MLH3: variants seen among roughly 807,000 people sequenced by gnomAD.
MLH3 encodes DNA mismatch repair protein Mlh3.
Under a neutral mutation model 122.2 loss-of-function variants are expected in MLH3, and 82 were observed. That is an observed-to-expected ratio of 0.67 (90% CI 0.56 to 0.81). The LOEUF is 0.81. Ranked by LOEUF, MLH3 falls within the 30% of genes least tolerant of loss-of-function variation. The pLI is 0.00. For missense variants in MLH3, 1,539 were observed against 1,714.5 expected (o/e 0.90, Z 1.81); for synonymous variants, 524 against 599.5 (o/e 0.87, Z 1.84).
At position 75,022,874 on chromosome 14, in the gene MLH3, C is replaced by T; in HGVS notation, c.4030G>A (p.Gly1344Ser). 1.9e-6 allele frequency: 3 copies of T among 1,614,170 alleles called. No homozygotes were observed. Among genetic ancestry groups the T allele is most frequent in the Non-Finnish European group, 2.5e-6 (3 of 1,180,032 alleles). The change falls in exon 11 of 13, where the codon GGC becomes AGC. Residue 1344 changes from glycine (G) to serine (S), a missense_variant. Gly to Ser is a moderately conservative substitution (Grantham distance 56, BLOSUM62 0). Transcript: ENST00000355774. ...EQLELLQTTG[G>S]IQGTLPLTVQ... ...GTCAGTGGCAATGTCCCTTGGATGC[C>T]TCCGGTGGTCTGGAGTAGCTAATGC...
In MLH3 at chr14:75,040,221, G is replaced by A. The variant is rs188765560; in HGVS notation, c.3466-206C>T. ...TCTCAGCACTTTGGGAGGCTGAGGCGGGCAGATCACGAGGTCAGGAGATCG... is the reference window on the plus strand; with the variant it reads ...TCTCAGCACTTTGGGAGGCTGAGGCAGGCAGATCACGAGGTCAGGAGATCG... On this transcript the variant is annotated intron_variant, in intron 4 of 12. Coordinates refer to ENST00000355774, the MANE Select transcript of MLH3 (RefSeq NM_001040108.2). 3.5e-3 allele frequency among the ~76,000 whole-genome samples: 528 copies of A among 151,478 alleles called. 1 individual carries two copies. The highest frequency in any genetic ancestry group is 0.01 in the Middle Eastern group (3 of 292).
chr14:75,037,212 T>C (rs1485490173), intron 6 of MLH3, among the ~76,000 whole-genome samples: 2 of 152,190 alleles, frequency 1.3e-5, no homozygotes, highest in African/African-American at 2.4e-5. Context: ...ACAAATTGCA[T>C]GGTTGTTCCC....
At position 75,048,433 on chromosome 14, in the gene MLH3, G is replaced by T. The variant is rs745988563; in HGVS notation, c.1223C>A (p.Ser408Ter). Residue 408 changes from serine to a stop codon, truncating the protein, a stop_gained, in exon 2 of 13, where the codon TCA becomes TAA. Coordinates refer to ENST00000355774, the MANE Select transcript of MLH3 (RefSeq NM_001040108.2). LOFTEE classifies it high-confidence loss of function. ...LDSYEMFNLQ[S>*]KAVKRKTTAE... ...AGTAGTTTTTCTTTTCACAGCTTTT[G>T]ACTGCAAATTAAACATCTCATAGGA... 6.8e-6 allele frequency: 11 copies of T among 1,610,106 alleles called. No individual in the cohort carries two copies. Among genetic ancestry groups the T allele is most frequent in the Non-Finnish European group, 9.3e-6 (11 of 1,178,890 alleles).
At chr14:75,037,187 TGAG>T (rs1891476731) in intron 6 of MLH3, among the ~76,000 whole-genome samples, 1 of 152,224 alleles carries the variant, frequency 6.6e-6, no homozygotes, top group Non-Finnish European at 1.5e-5. Context: ...TTCCACTCAC[TGAG>T]GAGAATAAAT....
At chr14:75,037,846 C>G (rs1217090033) in intron 6 of MLH3, among the ~76,000 whole-genome samples, 1 of 152,044 alleles carries the variant, frequency 6.6e-6, no homozygotes, top group Non-Finnish European at 1.5e-5. Context: ...CCTTTGCACA[C>G]CCTCATTTTC....
intron 2 of MLH3, among the ~76,000 whole-genome samples, 167 bp from the exon 3 acceptor site, chr14:75,042,644 C>A (rs553781687): frequency 1.3e-5 from 2 of 151,112 alleles, no homozygotes; most frequent in Non-Finnish European, 2.9e-5. Flanking sequence ...ATTATGCTGT[C>A]CATATAGGAC....
At position 75,014,075 on chromosome 14, in the gene MLH3, G is replaced by A. The variant is rs988409606; in HGVS notation, c.*3007C>T. The A allele has an allele frequency of 1.7e-5, 3 of 178,358 alleles. No homozygotes were observed. The highest frequency in any genetic ancestry group is 2.1e-3 in the Middle Eastern group (1 of 486). 11.0% of individuals were successfully genotyped at this position (178,358 alleles called of 1,614,324 possible). A position where few individuals can be genotyped will look rare whatever the true frequency, so the allele number is the denominator to read the frequency against. Reference sequence around the variant, plus strand: ...CCTTCACTCCACTGTGCCATGACTGGCTCCCACCCGAAGCTTCAGCTGAGC... The same window carrying A: ...CCTTCACTCCACTGTGCCATGACTGACTCCCACCCGAAGCTTCAGCTGAGC... On this transcript the variant is annotated 3_prime_UTR_variant, in exon 13 of 13. Transcript: ENST00000355774.
rs1485435477 is a variant in MLH3, at chr14:75,039,708, A to G, written c.3570+203T>C. On this transcript the variant is annotated intron_variant, in intron 5 of 12. Transcript: ENST00000355774. ...CTACTAAAGATATTTCTTTCTTTGT[A>G]ATTATAATTAATCCCTTGCTTTTTC... is the stretch of plus-strand genomic sequence containing the variant. Among the ~76,000 whole-genome samples the G allele has an allele frequency of 2.0e-5, 3 of 151,596 alleles. No homozygotes were observed. The Admixed American group carries it at 2.0e-4, about 10-fold the overall frequency.
rs758511599 is a variant in MLH3, at chr14:75,048,264, A to G, written c.1392T>C (p.Ser464=). 6.2e-7 allele frequency: 1 copy of G among 1,614,066 alleles called. No homozygotes were observed. The highest frequency in any genetic ancestry group is 2.2e-5 in the East Asian group (1 of 44,876). ...GTTCTAACATCTTTGATTCTGAGCA[A>G]GAGCTGTCTTTGTTTTGTAAAGATG... ...TEPSLQNKDS[S]CSESKMLEQE... The change falls in exon 2 of 13, where the codon TCT becomes TCC. Residue 464 remains serine (S), a synonymous_variant. Coordinates refer to ENST00000355774, the MANE Select transcript of MLH3 (RefSeq NM_001040108.2).
chr14:75,033,534 G>T, intron 6 of MLH3, 44 bp from the exon 7 acceptor site: 2 of 1,469,400 alleles, frequency 1.4e-6, no homozygotes, highest in South Asian at 2.3e-5. Flanking sequence ...AGAGCAAGAC[G>T]ACAACCATCA....
chr14:75,037,802 A>G lies in MLH3; in HGVS notation c.3643+538T>C, dbSNP rs543170896. Among the ~76,000 whole-genome samples the G allele has an allele frequency of 2.0e-5, 3 of 152,248 alleles. No individual in the cohort carries two copies. The South Asian group carries it at 6.2e-4, about 32-fold the overall frequency. On this transcript the variant is annotated intron_variant, in intron 6 of 12. Transcript: ENST00000355774. Reference sequence around the variant, plus strand: ...ACCCCGTTCTCCACAAAAAGGAAAAAAAAAAGACAAAAAGAGTAAAAGTTG... The same window carrying G: ...ACCCCGTTCTCCACAAAAAGGAAAAGAAAAAGACAAAAAGAGTAAAAGTTG...
Position 75,042,531 on chromosome 14 carries a change from C to A in MLH3, c.3281-54G>T. 2.8e-6 allele frequency: 4 copies of A among 1,415,524 alleles called. No individual in the cohort carries two copies. The South Asian group carries it at 3.5e-5, about 12-fold the overall frequency. 87.7% of individuals were successfully genotyped at this position (1,415,524 alleles called of 1,614,324 possible). The stretch of plus-strand genomic sequence containing the variant: ...TGTGAACTTAAAATACAAGTAAACT[C>A]TTTAAAAATTTAATCACATAAAACC... On this transcript the variant is annotated intron_variant, in intron 2 of 12. Transcript: ENST00000355774.
chr14:75,018,287 C>G (rs1255992927), intron 12 of MLH3, among the ~76,000 whole-genome samples: 1 of 152,242 alleles, frequency 6.6e-6, no homozygotes. Context: ...CTGCATTATC[C>G]ACATTGTAGT....
intron 8 of MLH3, among the ~76,000 whole-genome samples, 198 bp downstream of exon 8, chr14:75,031,867 AAAG>A (rs1480538729): frequency 6.6e-6 from 1 of 152,228 alleles, no homozygotes; most frequent in Non-Finnish European, 1.5e-5. Flanking sequence ...ATATTTTAAA[AAAG>A]GAAACAAACA....
chr14:75,041,746 G>A (rs1363645292), intron 3 of MLH3, 46 bp from the exon 4 acceptor site: 1 of 1,370,288 alleles, frequency 7.3e-7, no homozygotes, highest in Admixed American at 1.7e-5. Context: ...GAACCACAGG[G>A]AAAGGAGGGA....
chr14:75,014,652 T>C lies in MLH3; in HGVS notation c.*2430A>G, dbSNP rs917951365. 1.5e-5 allele frequency: 3 copies of C among 206,354 alleles called. No individual in the cohort carries two copies. Among genetic ancestry groups the C allele is most frequent in the African/African-American group, 6.8e-5 (3 of 43,856 alleles). The allele number at this position is 206,354 out of a possible 1,614,324, so 12.8% of individuals were successfully genotyped here. ...GGAACCTTCACTTCTCAATGAAGTG[T>C]TGATGAATGTTACAGAAAAAGGAAC... On this transcript the variant is annotated 3_prime_UTR_variant, in exon 13 of 13. Transcript: ENST00000355774.
At chr14:75,035,322 G>C (rs1218223930) in intron 6 of MLH3, among the ~76,000 whole-genome samples, 1 of 151,920 alleles carries the variant, frequency 6.6e-6, no homozygotes, top group East Asian at 2.0e-4. Flanking sequence ...AGGAGTTCGA[G>C]ACCAGCCTGG....
rs1454547796 is a variant in MLH3, at chr14:75,014,417, C to T, written c.*2665G>A. 5.5e-6 allele frequency: 1 copy of T among 180,306 alleles called. No individual in the cohort carries two copies. The highest frequency in any genetic ancestry group is 2.4e-5 in the African/African-American group (1 of 42,410). The allele number at this position is 180,306 out of a possible 1,614,324, so 11.2% of individuals were successfully genotyped here. A position where few individuals can be genotyped will look rare whatever the true frequency, so the allele number is the denominator to read the frequency against. On this transcript the variant is annotated 3_prime_UTR_variant, in exon 13 of 13. Coordinates refer to ENST00000355774, the MANE Select transcript of MLH3 (RefSeq NM_001040108.2). ...CCTACACTTTATGCTTTGCCTTAAGCTTTTCTGATACTAGCTCCTATTACC... is the reference window on the plus strand; with the variant it reads ...CCTACACTTTATGCTTTGCCTTAAGTTTTTCTGATACTAGCTCCTATTACC...
rs572533634 is a variant in MLH3, at chr14:75,017,472, C to T, written c.4243-271G>A. ...AGGAGAATTGATTGAACCTGGGAGG[C>T]GGAGGTTGTGGTGAGCCAAGATCAT... On this transcript the variant is annotated intron_variant, in intron 12 of 12. Transcript: ENST00000355774. Among the ~76,000 whole-genome samples, 7 of 151,688 alleles carry T rather than the reference C, an allele frequency of 4.6e-5. No homozygotes were observed. The East Asian group carries it at 1.2e-3, about 25-fold the overall frequency.
Sources: allele counts gnomAD v4.1 joint callset (sites outside exome capture counted in the v4.1 genomes callset), GRCh38; gene constraint gnomAD v4.1.1; transcripts MANE v1.5; gene names NCBI Gene and HGNC (gene_info 2026-07-23, HGNC 2026-07-21).